SPATA17: variants seen among roughly 807,000 people sequenced by gnomAD.
The protein encoded by SPATA17 is spermatogenesis associated 17.
SPATA17 carries 53 observed loss-of-function variants against 62.2 expected under a neutral mutation model. The ratio of observed to expected loss-of-function variants is 0.85; its 90% CI spans 0.68 to 1.07. The LOEUF (loss-of-function observed/expected upper bound fraction) is 1.07, where lower values mean the gene tolerates loss of function less well. Ranked by LOEUF, SPATA17 falls within the 50% of genes least tolerant of loss-of-function variation. SPATA17 has a pLI of 0.00. For missense variants in SPATA17, 466 were observed against 425.5 expected, an observed-to-expected ratio of 1.10 and a Z score of -0.84; for synonymous variants, 146 against 146.8, an observed-to-expected ratio of 0.99 and a Z score of 0.04.
Position 217,662,786 on chromosome 1 carries a change from C to T in SPATA17, c.241-6247C>T, listed in dbSNP as rs527972286. 3.3e-5 allele frequency among the ~76,000 whole-genome samples: 5 copies of T among 152,166 alleles called. No individual in the cohort carries two copies. The East Asian group carries it at 9.7e-4, about 29-fold the overall frequency. On this transcript the variant is annotated intron_variant, in intron 3 of 10. Transcript: ENST00000366933. ...TGCTTTCACAGATGTTTTTATTTCTCTTCATTAGATGAACACATGTTTATT... is the reference window on the plus strand; with the variant it reads ...TGCTTTCACAGATGTTTTTATTTCTTTTCATTAGATGAACACATGTTTATT...
chr1:217,645,766 T>G (rs1670167677), intron 1 of SPATA17, among the ~76,000 whole-genome samples: 1 of 152,176 alleles, frequency 6.6e-6, no homozygotes, highest in Non-Finnish European at 1.5e-5. Context: ...TTTGTTCCAC[T>G]ATCCCATCTT....
intron 6 of SPATA17, among the ~76,000 whole-genome samples, chr1:217,747,019 C>A (rs1476549718): frequency 6.6e-6 from 1 of 152,002 alleles, no homozygotes; most frequent in Non-Finnish European, 1.5e-5. Context: ...TTATGCACCC[C>A]ATCACCTGTA....
chr1:217,729,396 C>A lies in SPATA17; in HGVS notation c.396-12579C>A, dbSNP rs564570102. On this transcript the variant is annotated intron_variant, in intron 5 of 10. Transcript: ENST00000366933. ...ATATGATTACCTCAAGATAACATTT[C>A]AGTAAACCTCATTTTAAAAACATAA... Among the ~76,000 whole-genome samples the A allele has an allele frequency of 3.3e-5, 5 of 152,284 alleles. No individual in the cohort carries two copies. The South Asian group carries it at 6.2e-4, about 19-fold the overall frequency.
intron 8 of SPATA17, among the ~76,000 whole-genome samples, chr1:217,797,170 T>C (rs543650104): frequency 6.6e-6 from 1 of 152,284 alleles, no homozygotes; most frequent in East Asian, 1.9e-4. Flanking sequence ...GGTCATCTGA[T>C]AATGAGATCA....
chr1:217,795,424 C>T (rs1674111504), intron 8 of SPATA17, among the ~76,000 whole-genome samples: 1 of 128,000 alleles, frequency 7.8e-6, no homozygotes, highest in Non-Finnish European at 1.6e-5. Flanking sequence ...GGCTGGGGTG[C>T]AGTGGTGTGA....
At chr1:217,797,735 C>T (rs909941577) in intron 8 of SPATA17, among the ~76,000 whole-genome samples, 6 of 152,052 alleles carry the variant, frequency 3.9e-5, no homozygotes, top group African/African-American at 1.2e-4. Flanking sequence ...AACTTTTAAA[C>T]GTAGGTGTCT....
intron 9 of SPATA17, among the ~76,000 whole-genome samples, chr1:217,842,700 TC>T (rs1297574550): frequency 6.6e-6 from 1 of 151,992 alleles, no homozygotes; most frequent in African/African-American, 2.4e-5. Context: ...ATTTCATCAA[TC>T]TAGAAAACTG....
At chr1:217,850,206 C>T (rs897298387) in intron 9 of SPATA17, among the ~76,000 whole-genome samples, 10 of 152,084 alleles carry the variant, frequency 6.6e-5, no homozygotes, top group Non-Finnish European at 1.3e-4. Context: ...TATAGAAGGA[C>T]TTTTGAAATA....
chr1:217,830,194 C>G (rs779073090), intron 9 of SPATA17, among the ~76,000 whole-genome samples: 3 of 152,048 alleles, frequency 2.0e-5, no homozygotes, highest in Non-Finnish European at 2.9e-5. Context: ...ATCTTCCATT[C>G]AATTTTATAT....
At chr1:217,807,784 T>A (rs1480372874) in intron 9 of SPATA17, among the ~76,000 whole-genome samples, 1 of 152,194 alleles carries the variant, frequency 6.6e-6, no homozygotes, top group Non-Finnish European at 1.5e-5. Context: ...AATGTCTGAA[T>A]TGGGAAAACA....
intron 8 of SPATA17, among the ~76,000 whole-genome samples, chr1:217,789,482 C>T (rs1357898070): frequency 2.6e-5 from 4 of 152,202 alleles, no homozygotes; most frequent in East Asian, 3.9e-4. Flanking sequence ...TATTGCAGGG[C>T]GCCAAGCAAA....
intron 6 of SPATA17, among the ~76,000 whole-genome samples, chr1:217,758,332 G>GA (rs1258321936): frequency 1.3e-5 from 2 of 151,756 alleles, no homozygotes; most frequent in African/African-American, 2.4e-5. Context: ...TATCGCTTAG[G>GA]AAAAAAAAGC....
intron 7 of SPATA17, among the ~76,000 whole-genome samples, chr1:217,778,404 C>A (rs779618028): frequency 1.3e-5 from 2 of 151,976 alleles, no homozygotes; most frequent in Non-Finnish European, 2.9e-5. Flanking sequence ...GCCTGTAATC[C>A]CAGCTATTTG....
At chr1:217,697,667 G>A (rs1419184909) in intron 5 of SPATA17, among the ~76,000 whole-genome samples, 1 of 151,488 alleles carries the variant, frequency 6.6e-6, no homozygotes, top group African/African-American at 2.4e-5. Context: ...AAGATTTTTA[G>A]ATTTTCTATA....
chr1:217,844,562 A>G (rs1675483030), intron 9 of SPATA17, among the ~76,000 whole-genome samples: 1 of 152,104 alleles, frequency 6.6e-6, no homozygotes, highest in African/African-American at 2.4e-5. Flanking sequence ...CAATCATGAT[A>G]CAGTCCTTGA....
chr1:217,718,721 A>G (rs1435436714), intron 5 of SPATA17, among the ~76,000 whole-genome samples: 1 of 152,164 alleles, frequency 6.6e-6, no homozygotes, highest in Non-Finnish European at 1.5e-5. Context: ...GAAGAAGAAA[A>G]CAATCAGTCA....
chr1:217,752,576 T>C (rs1158818561), intron 6 of SPATA17, among the ~76,000 whole-genome samples: 2 of 152,224 alleles, frequency 1.3e-5, no homozygotes, highest in East Asian at 3.8e-4. Flanking sequence ...TCTGACAACA[T>C]TGATCTAAAT....
chr1:217,684,296 G>A (rs1297584748), intron 5 of SPATA17, among the ~76,000 whole-genome samples: 11 of 151,924 alleles, frequency 7.2e-5, no homozygotes, highest in Non-Finnish European at 1.6e-4. Flanking sequence ...ACATATAAAT[G>A]ACCATATGCA....
chr1:217,828,778 G>T (rs997106259), intron 9 of SPATA17, among the ~76,000 whole-genome samples: 1 of 151,988 alleles, frequency 6.6e-6, no homozygotes, highest in African/African-American at 2.4e-5. Flanking sequence ...TAAAAAGTGG[G>T]CAAAGAATAT....
Sources: allele counts gnomAD v4.1 joint callset (sites outside exome capture counted in the v4.1 genomes callset), GRCh38; gene constraint gnomAD v4.1.1; transcripts MANE v1.5; gene names NCBI Gene and HGNC (gene_info 2026-07-23, HGNC 2026-07-21).